The following GREB1L variants were observed in gnomAD, a reference collection of about 807,000 sequenced individuals.
The protein encoded by GREB1L is GREB1-like protein.
A neutral mutation model predicts 200.8 loss-of-function variants in GREB1L; 17 were observed. The ratio of observed to expected loss-of-function variants is 0.08; its 90% CI spans 0.06 to 0.13. GREB1L has a LOEUF of 0.13. GREB1L is among the 10% of genes least tolerant of loss of function. The pLI, the probability that GREB1L is intolerant of heterozygous loss-of-function variation, is 1.00. For missense variants in GREB1L, 1,657 were observed against 2,367.7 expected, an observed-to-expected ratio of 0.70 and a Z score of 6.23; for synonymous variants, 789 against 893.0, an observed-to-expected ratio of 0.88 and a Z score of 2.08.
At chr18:21,459,380 G>C (rs1303155952) in intron 15 of GREB1L, among the ~76,000 whole-genome samples, 1 of 147,572 alleles carries the variant, frequency 6.8e-6, no homozygotes, top group Non-Finnish European at 1.5e-5. Context: ...CCGCCCTTCA[G>C]GTTCAAGTGA....
intron 4 of GREB1L, among the ~76,000 whole-genome samples, chr18:21,386,184 T>A (rs191395475): frequency 6.6e-6 from 1 of 152,344 alleles, no homozygotes; most frequent in East Asian, 1.9e-4. Context: ...TATCAGCTAC[T>A]TTTGGTTCTT....
intron 14 of GREB1L, 155 bp downstream of exon 14, chr18:21,452,372 T>C: frequency 1.4e-6 from 1 of 707,164 alleles, no homozygotes; most frequent in Non-Finnish European, 2.2e-6. Flanking sequence ...AAATTAAAAA[T>C]GCTTTCCCAT....
At chr18:21,293,384 T>C (rs1415550397) in intron 1 of GREB1L, among the ~76,000 whole-genome samples, 1 of 152,202 alleles carries the variant, frequency 6.6e-6, no homozygotes, top group Non-Finnish European at 1.5e-5. Flanking sequence ...AAAATCTCTT[T>C]AATGGGAACA....
chr18:21,508,716 A>AC lies in GREB1L; in HGVS notation c.4735+125_4735+126insC, dbSNP rs1378995444. The AC allele has an allele frequency of 5.7e-5, 14 of 247,174 alleles. No homozygotes were observed. In the Admixed American group the frequency reaches 1.6e-3, roughly 28 times the overall value. 15.3% of individuals were successfully genotyped at this position (247,174 alleles called of 1,614,324 possible). A position where few individuals can be genotyped will look rare whatever the true frequency, so the allele number is the denominator to read the frequency against. On this transcript the variant is annotated intron_variant, in intron 27 of 32. Transcript: ENST00000424526. ...TCCTGCCCTCCTCACCACTCTTCGG[A>AC]AAAAAAAAAAAAAAAAAGCTTTTTG...
At chr18:21,325,695 T>C (rs559988555) in intron 1 of GREB1L, among the ~76,000 whole-genome samples, 25 of 151,366 alleles carry the variant, frequency 1.7e-4, no homozygotes, top group Middle Eastern at 3.4e-3. Context: ...ATGCCTGTAG[T>C]CCCAGCTACT....
chr18:21,372,653 G>A (rs1272521869), intron 2 of GREB1L, among the ~76,000 whole-genome samples: 1 of 152,070 alleles, frequency 6.6e-6, no homozygotes, highest in Admixed American at 6.5e-5. Flanking sequence ...CGGGTGCGGT[G>A]GCTCATGCCT....
intron 7 of GREB1L, among the ~76,000 whole-genome samples, chr18:21,415,293 T>C: frequency 6.6e-6 from 1 of 152,210 alleles, no homozygotes; most frequent in African/African-American, 2.4e-5. Flanking sequence ...GGTGAGAGGA[T>C]TGCTTGAGCT....
At chr18:21,302,145 G>A (rs1373042147) in intron 1 of GREB1L, among the ~76,000 whole-genome samples, 1 of 152,076 alleles carries the variant, frequency 6.6e-6, no homozygotes, top group Non-Finnish European at 1.5e-5. Flanking sequence ...CTATAAATAT[G>A]TTGAAACTAA....
chr18:21,466,989 AG>A (rs1348819124), intron 15 of GREB1L, among the ~76,000 whole-genome samples: 5 of 152,214 alleles, frequency 3.3e-5, no homozygotes, highest in Non-Finnish European at 5.9e-5. Flanking sequence ...AAGGGTGCCA[AG>A]ACAGTTTAAC....
At chr18:21,388,482 A>G (rs1314679977) in intron 4 of GREB1L, among the ~76,000 whole-genome samples, 1 of 147,402 alleles carries the variant, frequency 6.8e-6, no homozygotes, top group African/African-American at 2.5e-5. Context: ...CTGTTCCAGT[A>G]TCCCATCCAG....
intron 18 of GREB1L, 44 bp downstream of exon 18, chr18:21,485,797 T>C (rs1400128831): frequency 2.0e-6 from 3 of 1,538,024 alleles, no homozygotes; most frequent in Non-Finnish European, 1.8e-6. Context: ...CTAGCTGTAC[T>C]TGCAGATCTA....
At chr18:21,436,042 GAGA>G (rs372534514) in intron 7 of GREB1L, among the ~76,000 whole-genome samples, 57 of 152,268 alleles carry the variant, frequency 3.7e-4, no homozygotes, top group African/African-American at 1.3e-3. Context: ...GAGCATCAAG[GAGA>G]AGAAGGGGTC....
intron 15 of GREB1L, among the ~76,000 whole-genome samples, chr18:21,457,249 A>G (rs1281743834): frequency 5.3e-5 from 8 of 151,858 alleles, no homozygotes; most frequent in African/African-American, 1.9e-4. Flanking sequence ...CCAGAATTTG[A>G]CCAATTATGT....
Position 21,376,830 on chromosome 18 carries a change from A to G in GREB1L, c.-9-6680A>G, listed in dbSNP as rs61501151. 6.9e-4 allele frequency among the ~76,000 whole-genome samples: 104 copies of G among 151,736 alleles called. 1 individual carries two copies. The East Asian group carries it at 0.017, about 25-fold the overall frequency. On this transcript the variant is annotated intron_variant, in intron 2 of 32. Transcript: ENST00000424526. ...TCCGTCTCAAAAAAAAAAAAAAAAA[A>G]AAAGAAAGCCAACTTGTAATTTCCA... is the stretch of plus-strand genomic sequence containing the variant.
chr18:21,432,166 G>A lies in GREB1L; in HGVS notation c.833-7355G>A, dbSNP rs142063864. 5.3e-5 allele frequency among the ~76,000 whole-genome samples: 8 copies of A among 151,688 alleles called. No homozygotes were observed. The South Asian group carries it at 6.2e-4, about 12-fold the overall frequency. The stretch of plus-strand genomic sequence containing the variant: ...TTTCCATCTCCTGACTTCATGATCC[G>A]CCCACCTCGGCCTCCCAAAGTCCTG... On this transcript the variant is annotated intron_variant, in intron 7 of 32. Coordinates refer to ENST00000424526, the MANE Select transcript of GREB1L (RefSeq NM_001142966.3).
At chr18:21,258,884 C>T (rs1480784475) in intron 1 of GREB1L, among the ~76,000 whole-genome samples, 4 of 152,160 alleles carry the variant, frequency 2.6e-5, no homozygotes, top group South Asian at 4.1e-4. Flanking sequence ...TAGTCTAAGC[C>T]GTGTATTTCC....
At chr18:21,515,267 T>C (rs2037377360) in intron 28 of GREB1L, 150 bp from the exon 29 acceptor site, 5 of 646,430 alleles carry the variant, frequency 7.7e-6, no homozygotes, top group Admixed American at 5.8e-5. Context: ...AAAACTGGGC[T>C]TGACATTCTT....
At chr18:21,299,581 G>T (rs1029816911) in intron 1 of GREB1L, among the ~76,000 whole-genome samples, 2 of 147,688 alleles carry the variant, frequency 1.4e-5, no homozygotes, top group African/African-American at 5.0e-5. Context: ...ACCATTTGTC[G>T]TAGGAAGGTA....
chr18:21,506,008 G>GT (rs2037000643), intron 25 of GREB1L, 59 bp downstream of exon 25: 2 of 1,491,882 alleles, frequency 1.3e-6, no homozygotes, highest in African/African-American at 2.8e-5. Context: ...GTATGTAAGG[G>GT]TGGGGGGTGG....
Sources: allele counts gnomAD v4.1 joint callset (sites outside exome capture counted in the v4.1 genomes callset), GRCh38; gene constraint gnomAD v4.1.1; transcripts MANE v1.5; gene names NCBI Gene and HGNC (gene_info 2026-07-23, HGNC 2026-07-21).